LAMA2: variants seen among roughly 807,000 people sequenced by gnomAD.
The protein encoded by LAMA2 is laminin subunit alpha 2, also known as laminin subunit alpha-2.
In LAMA2, 269 loss-of-function variants were observed where a neutral mutation model predicts 364.8. The observed-to-expected ratio is 0.74, with a 90% CI of 0.67 to 0.82. The LOEUF (loss-of-function observed/expected upper bound fraction) is 0.82. Ranked by LOEUF, LAMA2 falls within the 40% of genes least tolerant of loss-of-function variation. The pLI is 0.00. For missense variants in LAMA2, 3,807 were observed against 3,873.2 expected (o/e 0.98, Z 0.45); for synonymous variants, 1,379 against 1,370.6 (o/e 1.01, Z -0.14).
intron 40 of LAMA2, among the ~76,000 whole-genome samples, chr6:129,419,191 A>T (rs572151510): frequency 2.6e-5 from 4 of 152,284 alleles, no homozygotes; most frequent in Non-Finnish European, 2.9e-5. Context: ...TAGATGTCTC[A>T]GGGTTTGTGT....
intron 29 of LAMA2, among the ~76,000 whole-genome samples, chr6:129,339,130 A>G (rs1230892584): frequency 6.6e-6 from 1 of 152,216 alleles, no homozygotes; most frequent in Non-Finnish European, 1.5e-5. Context: ...AGAAATCACC[A>G]GATAAGAAAA....
intron 1 of LAMA2, among the ~76,000 whole-genome samples, chr6:128,991,513 A>C (rs1311707042): frequency 6.6e-6 from 1 of 152,234 alleles, no homozygotes; most frequent in Non-Finnish European, 1.5e-5. Flanking sequence ...AACTTGTTTT[A>C]GAATTCTTTA....
intron 4 of LAMA2, among the ~76,000 whole-genome samples, chr6:129,124,816 A>G (rs1249511783): frequency 6.6e-6 from 1 of 152,238 alleles, no homozygotes; most frequent in African/African-American, 2.4e-5. Context: ...GATCATTTCA[A>G]CAACTCAAAA....
intron 18 of LAMA2, among the ~76,000 whole-genome samples, chr6:129,281,265 A>G (rs1205570024): frequency 6.6e-6 from 1 of 152,134 alleles, no homozygotes; most frequent in African/African-American, 2.4e-5. Flanking sequence ...ATTACTTACT[A>G]TAATAGGAGA....
At chr6:129,487,781 G>C (rs146559522) in intron 56 of LAMA2, among the ~76,000 whole-genome samples, 23 of 152,096 alleles carry the variant, frequency 1.5e-4, no homozygotes, top group Admixed American at 1.4e-3. Flanking sequence ...CTACTGAGAC[G>C]TTTAGAAACC....
intron 14 of LAMA2, among the ~76,000 whole-genome samples, chr6:129,255,035 TA>T (rs372451776): frequency 1.1e-3 from 158 of 146,108 alleles, no homozygotes; most frequent in African/African-American, 3.7e-3. Flanking sequence ...AGAAATGATG[TA>T]TTTTTTTTTT....
chr6:129,009,628 C>G (rs1422918767), intron 1 of LAMA2, among the ~76,000 whole-genome samples: 1 of 152,164 alleles, frequency 6.6e-6, no homozygotes, highest in Non-Finnish European at 1.5e-5. Flanking sequence ...GGCCAGAGGA[C>G]AAAAACTGTT....
intron 35 of LAMA2, among the ~76,000 whole-genome samples, chr6:129,389,135 A>C (rs1779182259): frequency 6.6e-6 from 1 of 152,220 alleles, no homozygotes; most frequent in Non-Finnish European, 1.5e-5. Context: ...ACTGTTAGGC[A>C]GTGGGTCAAG....
intron 2 of LAMA2, among the ~76,000 whole-genome samples, chr6:129,059,333 G>A (rs922558565): frequency 2.3e-4 from 35 of 152,122 alleles, no homozygotes; most frequent in Non-Finnish European, 1.9e-4. Flanking sequence ...TGTGTCAGAA[G>A]GGCAAGTGTT....
At chr6:129,158,082 G>C in intron 8 of LAMA2, 2 of 1,612,210 alleles carry the variant, frequency 1.2e-6, no homozygotes, top group Non-Finnish European at 1.7e-6. Context: ...ATACGTTTCT[G>C]TGTGCAGGTG....
chr6:129,470,320 A>T (rs1386624148), intron 51 of LAMA2, among the ~76,000 whole-genome samples: 1 of 151,912 alleles, frequency 6.6e-6, no homozygotes, highest in African/African-American at 2.4e-5. Context: ...AGCTTAAAGT[A>T]CGCAAGGAAA....
chr6:129,380,560 A>G (rs1778624297), intron 34 of LAMA2, among the ~76,000 whole-genome samples: 1 of 152,136 alleles, frequency 6.6e-6, no homozygotes, highest in African/African-American at 2.4e-5. Flanking sequence ...AAGTGTGGAA[A>G]CCTAGGTAGC....
Position 129,253,337 on chromosome 6 carries a change from G to T in LAMA2, c.2096+1042G>T, listed in dbSNP as rs71568940. ...TGAAAGCAATGTCTCCAATATTGGA[G>T]TTTTTATTGCTGACACCACCACCTC... is the stretch of plus-strand genomic sequence containing the variant. On this transcript the variant is annotated intron_variant, in intron 14 of 64. Coordinates refer to ENST00000421865, the MANE Select transcript of LAMA2 (RefSeq NM_000426.4). 6.0e-3 allele frequency among the ~76,000 whole-genome samples: 918 copies of T among 152,242 alleles called. 8 individuals carry two copies. The highest frequency in any genetic ancestry group is 7.4e-3 in the Non-Finnish European group (506 of 68,006).
At chr6:129,456,262 A>G (rs1782958035) in intron 47 of LAMA2, 73 bp from the exon 48 acceptor site, 1 of 1,378,120 alleles carries the variant, frequency 7.3e-7, no homozygotes, top group Non-Finnish European at 1.0e-6. Context: ...TTAAATCTGG[A>G]ATTACCAGAA....
In LAMA2 at chr6:129,098,454, C is replaced by T. The variant is rs188170365; in HGVS notation, c.639+39C>T. 2.4e-4 allele frequency: 384 copies of T among 1,609,306 alleles called. 7 individuals are homozygous for T. In the South Asian group the frequency reaches 2.6e-3, roughly 11 times the overall value. ...ACTCACCATTTAAGCACATTTGATACGGTGAAATAGGCCTGTCAGAAAGAC... is the reference window on the plus strand; with the variant it reads ...ACTCACCATTTAAGCACATTTGATATGGTGAAATAGGCCTGTCAGAAAGAC... On this transcript the variant is annotated intron_variant, in intron 4 of 64. Transcript: ENST00000421865.
chr6:129,311,560 A>G (rs536261542), intron 22 of LAMA2, among the ~76,000 whole-genome samples: 1 of 152,318 alleles, frequency 6.6e-6, no homozygotes, highest in African/African-American at 2.4e-5. Context: ...TACCTACTGT[A>G]TCACAAAGCA....
chr6:129,311,497 A>G (rs77791125), intron 22 of LAMA2, among the ~76,000 whole-genome samples: 2,723 of 152,238 alleles, frequency 0.018, 35 homozygotes, highest in Non-Finnish European at 0.03. Flanking sequence ...CAAGGCCTCT[A>G]TTGACTAAGC....
chr6:129,249,147 A>T (rs1785986017), intron 12 of LAMA2, among the ~76,000 whole-genome samples: 1 of 152,168 alleles, frequency 6.6e-6, no homozygotes, highest in South Asian at 2.1e-4. Context: ...CCAACCAGGA[A>T]TTGCTGTCTG....
At chr6:129,215,886 G>C (rs1783395234) in intron 12 of LAMA2, among the ~76,000 whole-genome samples, 1 of 152,144 alleles carries the variant, frequency 6.6e-6, no homozygotes, top group Non-Finnish European at 1.5e-5. Context: ...GATCCCACTA[G>C]ACTAAGTGAA....
Sources: allele counts gnomAD v4.1 joint callset (sites outside exome capture counted in the v4.1 genomes callset), GRCh38; gene constraint gnomAD v4.1.1; transcripts MANE v1.5; gene names NCBI Gene and HGNC (gene_info 2026-07-23, HGNC 2026-07-21).